CDKAL1: variants seen among roughly 807,000 people sequenced by gnomAD.
CDKAL1 encodes the protein threonylcarbamoyladenosine tRNA methylthiotransferase.
CDKAL1 carries 32 observed loss-of-function variants against 68.2 expected under a neutral mutation model. That is an observed-to-expected ratio of 0.47 (90% CI 0.35 to 0.63). CDKAL1 has a LOEUF of 0.63. Among genes scored for constraint, CDKAL1 ranks in the 30% least tolerant of loss-of-function variants. CDKAL1 has a pLI of 0.00. For synonymous variants in CDKAL1, 234 were observed against 244.3 expected (o/e 0.96, Z 0.39); for missense variants, 606 against 696.7 (o/e 0.87, Z 1.47).
chr6:20,805,923 G>T (rs1776552966), intron 8 of CDKAL1, among the ~76,000 whole-genome samples: 1 of 152,142 alleles, frequency 6.6e-6, no homozygotes, highest in Non-Finnish European at 1.5e-5. Context: ...TGAGGATATG[G>T]GGAGATACAG....
chr6:20,827,850 G>GT (rs1009320680), intron 8 of CDKAL1, among the ~76,000 whole-genome samples: 24 of 149,130 alleles, frequency 1.6e-4, no homozygotes, highest in Admixed American at 4.7e-4. Context: ...TATTGTTTTA[G>GT]TTTTTTTTTT....
Position 21,141,945 on chromosome 6 carries a change from T to C in CDKAL1, c.1299+33482T>C, listed in dbSNP as rs181418151. Among the ~76,000 whole-genome samples, 14 of 152,262 alleles carry C rather than the reference T, an allele frequency of 9.2e-5. No homozygotes were observed. The East Asian group carries it at 2.1e-3, about 23-fold the overall frequency. On this transcript the variant is annotated intron_variant, in intron 13 of 15. Transcript: ENST00000274695. ...CTCTTAAATCTTATACTGAAAACAT[T>C]GGTGCTTGTCTTTAATGCCATTTTT...
intron 9 of CDKAL1, among the ~76,000 whole-genome samples, chr6:20,945,143 A>G (rs1764176864): frequency 6.6e-6 from 1 of 151,866 alleles, no homozygotes; most frequent in Non-Finnish European, 1.5e-5. Flanking sequence ...CCTACATCCA[A>G]CCTGTAAAAG....
At chr6:20,626,564 A>G (rs1259666230) in intron 4 of CDKAL1, among the ~76,000 whole-genome samples, 2 of 152,176 alleles carry the variant, frequency 1.3e-5, no homozygotes, top group Non-Finnish European at 2.9e-5. Flanking sequence ...TTTAAAACTT[A>G]TTACTAGATG....
intron 13 of CDKAL1, among the ~76,000 whole-genome samples, chr6:21,138,249 GTGTGTGTATGCTGTA>G (rs913945031): frequency 7.2e-5 from 11 of 151,910 alleles, no homozygotes; most frequent in African/African-American, 2.7e-4. Flanking sequence ...GTGTGTGTGT[GTGTGTGTATGCTGTA>G]TGTGTGTGGG....
chr6:20,545,249 G>C (rs776784843), intron 2 of CDKAL1, among the ~76,000 whole-genome samples: 34 of 151,780 alleles, frequency 2.2e-4, no homozygotes, highest in Non-Finnish European at 4.4e-4. Context: ...ATAATGTCCA[G>C]AGTTTTATTT....
intron 7 of CDKAL1, among the ~76,000 whole-genome samples, chr6:20,776,838 G>T (rs1775193792): frequency 6.6e-6 from 1 of 152,178 alleles, no homozygotes; most frequent in African/African-American, 2.4e-5. Flanking sequence ...TAATGCTGGG[G>T]CTGCTCCATT....
intron 13 of CDKAL1, among the ~76,000 whole-genome samples, chr6:21,144,482 T>TGG (rs896417269): frequency 7.9e-5 from 12 of 152,110 alleles, no homozygotes; most frequent in Non-Finnish European, 5.9e-5. Flanking sequence ...AATCACCTGT[T>TGG]GGTCCTTAAA....
chr6:21,168,847 T>C (rs1777255294), intron 13 of CDKAL1, among the ~76,000 whole-genome samples: 1 of 152,208 alleles, frequency 6.6e-6, no homozygotes, highest in African/African-American at 2.4e-5. Context: ...CTATCTCTGT[T>C]TCTCTCTCTC....
intron 2 of CDKAL1, among the ~76,000 whole-genome samples, chr6:20,541,931 A>G (rs1384039975): frequency 1.3e-5 from 2 of 152,234 alleles, no homozygotes; most frequent in Admixed American, 6.5e-5. Flanking sequence ...AAGTGTTGGG[A>G]TTACTGGCGT....
At chr6:20,690,307 A>G (rs905288411) in intron 5 of CDKAL1, among the ~76,000 whole-genome samples, 2 of 152,196 alleles carry the variant, frequency 1.3e-5, no homozygotes, top group Non-Finnish European at 2.9e-5. Flanking sequence ...GTATAAATGT[A>G]TTATAACTGT....
intron 5 of CDKAL1, among the ~76,000 whole-genome samples, chr6:20,667,562 T>A (rs1425827959): frequency 6.6e-6 from 1 of 152,158 alleles, no homozygotes; most frequent in Admixed American, 6.6e-5. Flanking sequence ...CCGACTTTAT[T>A]AATTCAGTTG....
At chr6:20,603,829 T>G (rs1428150441) in intron 4 of CDKAL1, among the ~76,000 whole-genome samples, 1 of 131,034 alleles carries the variant, frequency 7.6e-6, no homozygotes, top group African/African-American at 3.0e-5. Context: ...CAGGCTGGAG[T>G]GCAGTGGTGT....
At chr6:20,624,794 C>T (rs191865092) in intron 4 of CDKAL1, among the ~76,000 whole-genome samples, 55 of 152,086 alleles carry the variant, frequency 3.6e-4, no homozygotes, top group Non-Finnish European at 6.0e-4. Context: ...CAAATGCCTG[C>T]GGAGTATATA....
chr6:21,078,111 C>T (rs903735849), intron 12 of CDKAL1, among the ~76,000 whole-genome samples: 3 of 152,172 alleles, frequency 2.0e-5, no homozygotes, highest in Non-Finnish European at 4.4e-5. Flanking sequence ...TTTTAGGAGA[C>T]TCATTTCAGA....
chr6:21,224,534 C>CAAT (rs930692867), intron 15 of CDKAL1, among the ~76,000 whole-genome samples: 2 of 151,840 alleles, frequency 1.3e-5, no homozygotes, highest in East Asian at 1.9e-4. Context: ...TAAACAATAA[C>CAAT]AATAATAATA....
At chr6:20,694,617 C>T (rs375029430) in intron 5 of CDKAL1, among the ~76,000 whole-genome samples, 1 of 152,146 alleles carries the variant, frequency 6.6e-6, no homozygotes, top group Admixed American at 6.5e-5. Context: ...AAATAGCCCA[C>T]GAAAGTGATG....
chr6:20,672,807 C>T (rs1769910343), intron 5 of CDKAL1, among the ~76,000 whole-genome samples: 1 of 152,054 alleles, frequency 6.6e-6, no homozygotes. Flanking sequence ...GACAGAGTTT[C>T]ACTCTGTTGC....
At chr6:21,179,756 G>T (rs971777915) in intron 13 of CDKAL1, among the ~76,000 whole-genome samples, 1 of 152,172 alleles carries the variant, frequency 6.6e-6, no homozygotes, top group Non-Finnish European at 1.5e-5. Flanking sequence ...AAAAGAGGCT[G>T]GTCCTGGTGG....
Sources: gnomAD v4.1 joint callset for allele counts (sites outside exome capture counted in the v4.1 genomes callset) on GRCh38, gnomAD v4.1.1 for gene constraint, MANE v1.5 for transcripts, NCBI Gene and HGNC (gene_info 2026-07-23, HGNC 2026-07-21) for gene names.